Variants in NTNG1 observed in about 807,000 individuals in gnomAD.
NTNG1 encodes netrin-G1.
Under a neutral mutation model 54.0 loss-of-function variants are expected in NTNG1, and 16 were observed. That is an observed-to-expected ratio of 0.30 (90% CI 0.20 to 0.45). The LOEUF is 0.45. Among genes scored for constraint, NTNG1 ranks in the 20% least tolerant of loss-of-function variants. NTNG1 has a pLI of 1.00. For synonymous variants in NTNG1, 255 were observed against 263.1 expected (o/e 0.97, Z 0.30); for missense variants, 530 against 678.7 (o/e 0.78, Z 2.43).
intron 2 of NTNG1, among the ~76,000 whole-genome samples, chr1:107,173,291 T>A (rs1477920118): frequency 2.0e-5 from 3 of 152,166 alleles, no homozygotes; most frequent in Admixed American, 1.3e-4. Flanking sequence ...TATGCTTTTT[T>A]AAAATTTCTA....
At chr1:107,462,569 C>T (rs910094729) in intron 7 of NTNG1, among the ~76,000 whole-genome samples, 1 of 152,166 alleles carries the variant, frequency 6.6e-6, no homozygotes, top group African/African-American at 2.4e-5. Context: ...CCTCACCTTC[C>T]ACCACCAAAT....
intron 3 of NTNG1, among the ~76,000 whole-genome samples, chr1:107,349,297 G>A (rs565159456): frequency 2.0e-5 from 3 of 152,044 alleles, no homozygotes; most frequent in African/African-American, 4.8e-5. Context: ...GTTGTTGTTC[G>A]TAGCACTGAG....
At chr1:107,289,593 A>C (rs1325933232) in intron 2 of NTNG1, among the ~76,000 whole-genome samples, 2 of 152,224 alleles carry the variant, frequency 1.3e-5, no homozygotes, top group East Asian at 1.9e-4. Flanking sequence ...TCATTATAAC[A>C]GTCTTTCTTC....
At chr1:107,396,597 T>G (rs905331675) in intron 4 of NTNG1, among the ~76,000 whole-genome samples, 1 of 152,164 alleles carries the variant, frequency 6.6e-6, no homozygotes, top group Admixed American at 6.5e-5. Context: ...CTGTGGCCTT[T>G]CCTCAATTGT....
chr1:107,297,248 C>T (rs2500217), intron 2 of NTNG1, among the ~76,000 whole-genome samples: 1,137 of 63,578 alleles, frequency 0.018, 91 homozygotes, highest in South Asian at 0.13. Flanking sequence ...TATATATATG[C>T]GCACACACAC....
chr1:107,378,026 G>A (rs564832059), intron 3 of NTNG1, among the ~76,000 whole-genome samples: 4 of 152,354 alleles, frequency 2.6e-5, no homozygotes, highest in South Asian at 4.1e-4. Context: ...CTGCCAATCG[G>A]TTTCATTAAC....
At chr1:107,402,584 A>G (rs1267991748) in intron 4 of NTNG1, among the ~76,000 whole-genome samples, 1 of 152,000 alleles carries the variant, frequency 6.6e-6, no homozygotes, top group Non-Finnish European at 1.5e-5. Flanking sequence ...TGCTTGGATC[A>G]TTTATATGAT....
chr1:107,386,165 A>ATATTTTT (rs1307492654), intron 3 of NTNG1, among the ~76,000 whole-genome samples: 1 of 120,778 alleles, frequency 8.3e-6, no homozygotes, highest in Non-Finnish European at 1.8e-5. Flanking sequence ...ATATATATAT[A>ATATTTTT]TTTTTTTTTT....
At chr1:107,413,888 TA>T (rs1179160686) in intron 5 of NTNG1, among the ~76,000 whole-genome samples, 1 of 152,118 alleles carries the variant, frequency 6.6e-6, no homozygotes, top group African/African-American at 2.4e-5. Flanking sequence ...TTATATAAAT[TA>T]AACTAAAATA....
intron 7 of NTNG1, among the ~76,000 whole-genome samples, chr1:107,443,672 T>C (rs1409442795): frequency 6.6e-6 from 1 of 152,190 alleles, no homozygotes; most frequent in Non-Finnish European, 1.5e-5. Flanking sequence ...AACAAGGATG[T>C]GTCTGTGATG....
chr1:107,185,258 AG>A (rs1473531541), intron 2 of NTNG1, among the ~76,000 whole-genome samples: 9 of 152,168 alleles, frequency 5.9e-5, no homozygotes, highest in African/African-American at 1.9e-4. Flanking sequence ...ACAGTTTCAG[AG>A]GCCAGACGTC....
chr1:107,375,206 T>G (rs1442002443), intron 3 of NTNG1, among the ~76,000 whole-genome samples: 2 of 152,212 alleles, frequency 1.3e-5, no homozygotes, highest in Admixed American at 6.5e-5. Context: ...TAGCCTTGAC[T>G]CTAGCATCCT....
chr1:107,201,166 T>A (rs1658727143), intron 2 of NTNG1, among the ~76,000 whole-genome samples: 1 of 150,694 alleles, frequency 6.6e-6, no homozygotes, highest in African/African-American at 2.5e-5. Flanking sequence ...ATTAAACTAT[T>A]CCCTAATTCT....
At chr1:107,419,857 T>C (rs1674469696) in intron 5 of NTNG1, among the ~76,000 whole-genome samples, 1 of 152,188 alleles carries the variant, frequency 6.6e-6, no homozygotes, top group South Asian at 2.1e-4. Flanking sequence ...TAGATACATA[T>C]ATTACTAGCA....
At chr1:107,150,656 GAT>G (rs1006847911) in intron 2 of NTNG1, among the ~76,000 whole-genome samples, 6 of 152,182 alleles carry the variant, frequency 3.9e-5, no homozygotes, top group South Asian at 2.1e-4. Context: ...TTCAAGGTGT[GAT>G]TTGTGGGTGC....
chr1:107,295,427 T>C (rs1388495446), intron 2 of NTNG1, among the ~76,000 whole-genome samples: 4 of 152,200 alleles, frequency 2.6e-5, no homozygotes, highest in African/African-American at 9.7e-5. Context: ...TTGTCACTAG[T>C]TTCCCTGTGC....
chr1:107,397,734 CT>C (rs545551291), intron 4 of NTNG1, among the ~76,000 whole-genome samples: 137 of 145,844 alleles, frequency 9.4e-4, no homozygotes, highest in African/African-American at 1.1e-3. Context: ...CTTATCAAAC[CT>C]TTTTTTTTTT....
intron 7 of NTNG1, among the ~76,000 whole-genome samples, chr1:107,470,633 G>A (rs1437150459): frequency 1.3e-5 from 2 of 152,210 alleles, no homozygotes. Context: ...GCCATTTTGT[G>A]TGAATATGCC....
rs140703328 is a variant in NTNG1 at position 107,461,994 on chromosome 1, G to A, written c.1391-18617G>A. Among the ~76,000 whole-genome samples, 422 of 152,312 alleles carry A rather than the reference G, an allele frequency of 2.8e-3. 1 individual carries two copies. The highest frequency in any genetic ancestry group is 5.8e-3 in the South Asian group (28 of 4,826). The stretch of plus-strand genomic sequence containing the variant: ...GTTTGTAATTAGCAGGATTACAGTA[G>A]ACCAGGTAAGGGGTGTTAGTGGCTT... On this transcript the variant is annotated intron_variant, in intron 7 of 7. Coordinates refer to ENST00000370068, the MANE Select transcript of NTNG1 (RefSeq NM_001113226.3).
Sources: allele counts gnomAD v4.1 joint callset (sites outside exome capture counted in the v4.1 genomes callset), GRCh38; gene constraint gnomAD v4.1.1; transcripts MANE v1.5; gene names NCBI Gene and HGNC (gene_info 2026-07-23, HGNC 2026-07-21).